The following ATP9B variants were observed in gnomAD, a reference collection of about 807,000 sequenced individuals.
ATP9B encodes the protein ATPase phospholipid transporting 9B.
A neutral mutation model predicts 146.1 loss-of-function variants in ATP9B; 110 were observed. The observed-to-expected ratio is 0.75, with a 90% CI of 0.65 to 0.88. The LOEUF (loss-of-function observed/expected upper bound fraction) is 0.88, where lower values mean the gene tolerates loss of function less well. ATP9B is among the 40% of genes least tolerant of loss of function. The pLI, the probability that ATP9B is intolerant of heterozygous loss-of-function variation, is 0.00. For synonymous variants in ATP9B, 604 were observed against 569.7 expected (o/e 1.06, Z -0.86); for missense variants, 1,499 against 1,496.4 (o/e 1.00, Z -0.03).
chr18:79,090,487 C>G, intron 1 of ATP9B, among the ~76,000 whole-genome samples: 1 of 152,272 alleles, frequency 6.6e-6, no homozygotes, highest in South Asian at 2.1e-4. Flanking sequence ...GAGATGATCT[C>G]TGTTTGTAGT....
chr18:79,250,324 A>T (rs1047289763), intron 11 of ATP9B, among the ~76,000 whole-genome samples: 3 of 152,266 alleles, frequency 2.0e-5, no homozygotes, highest in Non-Finnish European at 4.4e-5. Context: ...ATTACAAAAA[A>T]AGACCAACTC....
intron 4 of ATP9B, among the ~76,000 whole-genome samples, chr18:79,123,461 C>A (rs971429185): frequency 1.3e-5 from 2 of 150,856 alleles, no homozygotes; most frequent in Admixed American, 1.3e-4. Flanking sequence ...GTTAAGATGG[C>A]AGCACTCTCC....
chr18:79,369,173 C>T (rs183580765), intron 26 of ATP9B, among the ~76,000 whole-genome samples: 163 of 152,228 alleles, frequency 1.1e-3, no homozygotes, highest in African/African-American at 3.7e-3. Flanking sequence ...CCGAGGCGGG[C>T]GGGTCACGAG....
chr18:79,337,522 G>A (rs2096834417), intron 19 of ATP9B, 73 bp downstream of exon 19: 2 of 1,544,410 alleles, frequency 1.3e-6, no homozygotes, highest in South Asian at 2.4e-5. Context: ...TGGGCATGGT[G>A]ATTTGTGAAA....
chr18:79,162,793 C>G (rs907566158), intron 7 of ATP9B, among the ~76,000 whole-genome samples: 1 of 152,214 alleles, frequency 6.6e-6, no homozygotes, highest in African/African-American at 2.4e-5. Context: ...TAGCCGATCT[C>G]TTTCAGAGCT....
chr18:79,350,126 G>T (rs549440021), intron 25 of ATP9B, among the ~76,000 whole-genome samples: 1 of 152,310 alleles, frequency 6.6e-6, no homozygotes, highest in East Asian at 1.9e-4. Flanking sequence ...GAGCTGTGGG[G>T]CTCACAGCTA....
chr18:79,076,424 C>T (rs936895983), intron 1 of ATP9B, among the ~76,000 whole-genome samples: 4 of 152,176 alleles, frequency 2.6e-5, no homozygotes, highest in African/African-American at 7.2e-5. Flanking sequence ...TCACCAGATA[C>T]GGAATTCGGA....
intron 14 of ATP9B, 80 bp downstream of exon 14, chr18:79,303,796 A>T: frequency 1.1e-6 from 1 of 948,274 alleles, no homozygotes; most frequent in South Asian, 1.5e-5. Context: ...GTGTGTTCCC[A>T]TCTGTAAATT....
At chr18:79,131,975 A>T (rs2094384561) in intron 5 of ATP9B, among the ~76,000 whole-genome samples, 1 of 152,242 alleles carries the variant, frequency 6.6e-6, no homozygotes, top group Non-Finnish European at 1.5e-5. Context: ...AGCACGAAGC[A>T]TCTGCCTAAC....
chr18:79,176,717 C>T, intron 7 of ATP9B, 96 bp from the exon 8 acceptor site: 6 of 959,680 alleles, frequency 6.3e-6, no homozygotes, highest in South Asian at 1.4e-5. Flanking sequence ...CTTTGTCCTA[C>T]TGTGCCCTGG....
At chr18:79,295,147 ATACCATGAGGGATTTCTAGTGTGTAT>A (rs2096538902) in intron 13 of ATP9B, among the ~76,000 whole-genome samples, 2 of 152,182 alleles carry the variant, frequency 1.3e-5, no homozygotes, top group Non-Finnish European at 2.9e-5. Context: ...GATGCCCCAT[ATACCATGAGGGATTTCTAGTGTGTAT>A]TCCGCATGTT....
chr18:79,361,168 C>T (rs2096985912), intron 26 of ATP9B: 1 of 152,202 alleles, frequency 6.6e-6, no homozygotes, highest in East Asian at 1.9e-4. Flanking sequence ...CTGGGAGAAA[C>T]TTGTCATAGG....
Position 79,303,710 on chromosome 18 carries a change from C to A in ATP9B, c.1518C>A (p.Tyr506Ter). Residue 506 changes from tyrosine to a stop codon, truncating the protein, a stop_gained, in exon 14 of 30, where the codon TAC becomes TAA. Coordinates refer to ENST00000426216, the MANE Select transcript of ATP9B (RefSeq NM_198531.5). LOFTEE classifies it high-confidence loss of function. ...TCCAGAGCCATGTCAGGGACTCCTA[C>A]TCACAGGTAAGTGGGTTCCTCCTGC... is the stretch of plus-strand genomic sequence containing the variant. ...DEIQSHVRDS[Y>*]SQMQSQAGGN... 1 of 1,613,514 alleles carries A rather than the reference C, an allele frequency of 6.2e-7. No homozygotes were observed. Among genetic ancestry groups the A allele is most frequent in the Non-Finnish European group, 8.5e-7 (1 of 1,179,624 alleles).
intron 2 of ATP9B, among the ~76,000 whole-genome samples, chr18:79,097,080 C>T (rs2074846817): frequency 6.6e-6 from 1 of 151,558 alleles, no homozygotes; most frequent in African/African-American, 2.4e-5. Flanking sequence ...ATCACTTGAA[C>T]CTGGGAGGTG....
Position 79,272,666 on chromosome 18 carries a change from G to GCCCT in ATP9B, c.1269-4386_1269-4383dup, listed in dbSNP as rs755613629. 1.4e-4 allele frequency among the ~76,000 whole-genome samples: 21 copies of GCCCT among 151,808 alleles called. 1 individual carries two copies. Among genetic ancestry groups the GCCCT allele is most frequent in the Non-Finnish European group, 2.2e-4 (15 of 67,992 alleles). On this transcript the variant is annotated intron_variant, in intron 12 of 29. Transcript: ENST00000426216. ...TGCACGGATATGCTCCTCTCCCTGAGCCCTCTCCACTATAGCTCAGGCTCT... is the reference window on the plus strand; with the variant it reads ...TGCACGGATATGCTCCTCTCCCTGAGCCCTCCCTCTCCACTATAGCTCAGGCTCT...
rs2096320331 is a variant in ATP9B at position 79,277,197 on chromosome 18, G to A, written c.1411+1G>A. On this transcript the variant is annotated splice_donor_variant, in intron 13 of 29. Coordinates refer to ENST00000426216, the MANE Select transcript of ATP9B (RefSeq NM_198531.5). LOFTEE classifies it high-confidence loss of function. ...GTGTATTTATTGACAGACAAAACAG[G>A]TACTGTTCGTGGTCTGTGTTCACCT... 1 of 1,614,048 alleles carries A rather than the reference G, an allele frequency of 6.2e-7. No individual in the cohort carries two copies. Among genetic ancestry groups the A allele is most frequent in the Non-Finnish European group, 8.5e-7 (1 of 1,180,026 alleles).
intron 29 of ATP9B, chr18:79,376,188 C>CAT (rs1361593178): frequency 1.1e-6 from 1 of 912,962 alleles, no homozygotes; most frequent in East Asian, 1.2e-4. Flanking sequence ...CACACACACA[C>CAT]ACACACACAC....
chr18:79,276,908 G>A (rs1167234164), intron 12 of ATP9B, 146 bp from the exon 13 acceptor site: 1 of 1,265,902 alleles, frequency 7.9e-7, no homozygotes, highest in Admixed American at 1.8e-5. Flanking sequence ...CCACTGCAGT[G>A]GGTTTTATCT....
intron 11 of ATP9B, among the ~76,000 whole-genome samples, chr18:79,248,743 T>C (rs1412218088): frequency 6.6e-6 from 1 of 152,250 alleles, no homozygotes; most frequent in Non-Finnish European, 1.5e-5. Context: ...TGCAAGAGTT[T>C]AAATTGGCTA....
Sources: allele counts gnomAD v4.1 joint callset (sites outside exome capture counted in the v4.1 genomes callset), GRCh38; gene constraint gnomAD v4.1.1; transcripts MANE v1.5; gene names NCBI Gene and HGNC (gene_info 2026-07-23, HGNC 2026-07-21).